The following CNTN5 variants were observed in gnomAD, a reference collection of about 807,000 sequenced individuals.
The protein encoded by CNTN5 is contactin-5.
A neutral mutation model predicts 129.1 loss-of-function variants in CNTN5; 77 were observed. The observed-to-expected ratio is 0.60, with a 90% confidence interval of 0.50 to 0.72. The LOEUF is 0.72. Among genes scored for constraint, CNTN5 ranks in the 30% least tolerant of loss-of-function variants. The probability of loss-of-function intolerance (pLI) is 0.00; values close to 1 mark genes in which losing one functional copy is unlikely to be tolerated. For synonymous variants in CNTN5, 509 were observed against 465.6 expected (o/e 1.09, Z -1.20); for missense variants, 1,478 against 1,328.8 (o/e 1.11, Z -1.75).
At chr11:99,710,239 C>G (rs886207836) in intron 3 of CNTN5, among the ~76,000 whole-genome samples, 1 of 151,800 alleles carries the variant, frequency 6.6e-6, no homozygotes, top group Non-Finnish European at 1.5e-5. Flanking sequence ...TGCCCAGCAT[C>G]TTTACCCTGC....
chr11:100,046,196 G>A (rs753682609), intron 9 of CNTN5, among the ~76,000 whole-genome samples: 1 of 151,646 alleles, frequency 6.6e-6, no homozygotes, highest in Non-Finnish European at 1.5e-5. Context: ...TAAATGATGA[G>A]TTAATGGGTG....
intron 1 of CNTN5, among the ~76,000 whole-genome samples, chr11:99,093,135 T>C (rs1311626095): frequency 1.3e-5 from 2 of 152,076 alleles, no homozygotes; most frequent in East Asian, 3.9e-4. Flanking sequence ...ATTAATTGAC[T>C]TGTGACTTAT....
intron 3 of CNTN5, among the ~76,000 whole-genome samples, chr11:99,719,463 A>G (rs1361526651): frequency 2.6e-5 from 4 of 152,078 alleles, no homozygotes; most frequent in African/African-American, 9.7e-5. Flanking sequence ...TGCTTTCTAT[A>G]AAATAATACA....
intron 10 of CNTN5, among the ~76,000 whole-genome samples, chr11:100,064,004 A>G (rs1943594737): frequency 1.3e-5 from 2 of 152,198 alleles, no homozygotes; most frequent in Admixed American, 6.5e-5. Flanking sequence ...TAAAGTGTAG[A>G]TAGGATTCAG....
chr11:99,866,655 A>T (rs1172076578), intron 6 of CNTN5, among the ~76,000 whole-genome samples: 1 of 152,228 alleles, frequency 6.6e-6, no homozygotes, highest in African/African-American at 2.4e-5. Flanking sequence ...ACTAGTGCTA[A>T]AATGAGTCAA....
chr11:99,029,895 C>T (rs1863281530), intron 1 of CNTN5, among the ~76,000 whole-genome samples: 1 of 152,122 alleles, frequency 6.6e-6, no homozygotes, highest in African/African-American at 2.4e-5. Context: ...GAATTTAAAG[C>T]ATATTCTTCA....
At chr11:100,046,284 A>C (rs988670555) in intron 9 of CNTN5, among the ~76,000 whole-genome samples, 8 of 152,204 alleles carry the variant, frequency 5.3e-5, no homozygotes, top group African/African-American at 1.9e-4. Context: ...CCAGCAACCA[A>C]CTGGAGAACT....
intron 3 of CNTN5, among the ~76,000 whole-genome samples, chr11:99,723,364 T>C (rs909220608): frequency 3.3e-5 from 5 of 152,182 alleles, no homozygotes; most frequent in Non-Finnish European, 7.4e-5. Flanking sequence ...AGTGGCCCTT[T>C]AGTGTTTCTA....
intron 20 of CNTN5, among the ~76,000 whole-genome samples, chr11:100,304,294 C>T (rs912789220): frequency 3.3e-5 from 5 of 151,570 alleles, no homozygotes; most frequent in Non-Finnish European, 5.9e-5. Flanking sequence ...TCTTTGATTC[C>T]ACTAGATATA....
intron 6 of CNTN5, among the ~76,000 whole-genome samples, chr11:99,848,981 T>G (rs1457016472): frequency 1.3e-5 from 2 of 152,158 alleles, no homozygotes; most frequent in Non-Finnish European, 2.9e-5. Context: ...TTTTACTTTT[T>G]GCCTTTTAAA....
Position 99,025,551 on chromosome 11 carries a change from A to T in CNTN5, c.-210+4281A>T, listed in dbSNP as rs146915973. On this transcript the variant is annotated intron_variant, in intron 1 of 24. Transcript: ENST00000524871. ...TTTAGGAAGAGAAATGTTGCTGATT[A>T]TATAGGTGATAAAAAGTTGATTGAA... Among the ~76,000 whole-genome samples the T allele has an allele frequency of 3.6e-3, 544 of 151,880 alleles. 3 individuals carry two copies. The highest frequency in any genetic ancestry group is 6.8e-3 in the Middle Eastern group (2 of 294).
intron 8 of CNTN5, among the ~76,000 whole-genome samples, chr11:99,989,874 T>G (rs1699725505): frequency 6.6e-6 from 1 of 152,140 alleles, no homozygotes; most frequent in African/African-American, 2.4e-5. Context: ...CAAGCAATTC[T>G]CCTGCCTCAG....
intron 13 of CNTN5, among the ~76,000 whole-genome samples, chr11:100,125,539 T>C (rs1421563): frequency 0.8 from 120,932 of 152,006 alleles, 48,935 homozygotes; most frequent in East Asian, 1. Flanking sequence ...TATATATGTA[T>C]GACATTTTCC....
chr11:99,487,851 G>A (rs17133607), intron 2 of CNTN5, among the ~76,000 whole-genome samples: 37,580 of 152,086 alleles, frequency 0.25, 4,972 homozygotes, highest in Non-Finnish European at 0.3. Flanking sequence ...TTCTCTCCCA[G>A]TCACCTAAAT....
chr11:99,408,181 G>C (rs2134989845), intron 2 of CNTN5, among the ~76,000 whole-genome samples: 1 of 151,770 alleles, frequency 6.6e-6, no homozygotes, highest in Non-Finnish European at 1.5e-5. Flanking sequence ...AATTTCACTG[G>C]CGTTTTTGCA....
chr11:99,063,769 T>C (rs2135222082), intron 1 of CNTN5, among the ~76,000 whole-genome samples: 1 of 152,238 alleles, frequency 6.6e-6, no homozygotes, highest in South Asian at 2.1e-4. Context: ...TTTAAGAAGT[T>C]GCAAAGGGGT....
chr11:99,212,700 A>G (rs1482702621), intron 1 of CNTN5, among the ~76,000 whole-genome samples: 1 of 152,074 alleles, frequency 6.6e-6, no homozygotes, highest in Non-Finnish European at 1.5e-5. Context: ...GGAATTCTGA[A>G]AGATCTGTGA....
intron 3 of CNTN5, among the ~76,000 whole-genome samples, chr11:99,758,721 T>C (rs192262599): frequency 1.3e-3 from 201 of 152,052 alleles, no homozygotes; most frequent in Middle Eastern, 3.4e-3. Context: ...GTAGAAAGTA[T>C]ATTGGGGAAA....
At chr11:99,520,745 G>A (rs1416951303) in intron 2 of CNTN5, among the ~76,000 whole-genome samples, 1 of 151,996 alleles carries the variant, frequency 6.6e-6, no homozygotes, top group Non-Finnish European at 1.5e-5. Flanking sequence ...TGGGATCCAA[G>A]AGAAGATCAC....
Sources: allele counts gnomAD v4.1 joint callset (sites outside exome capture counted in the v4.1 genomes callset), GRCh38; gene constraint gnomAD v4.1.1; transcripts MANE v1.5; gene names NCBI Gene and HGNC (gene_info 2026-07-23, HGNC 2026-07-21).